The following RESF1 variants were observed in gnomAD, a reference collection of about 807,000 sequenced individuals.
The protein encoded by RESF1 is retroelement silencing factor 1.
In RESF1, 65 loss-of-function variants were observed where a neutral mutation model predicts 134.7. That is an observed-to-expected ratio of 0.48 (90% CI 0.40 to 0.59). RESF1 has a LOEUF of 0.59. Ranked by LOEUF, RESF1 falls within the 20% of genes least tolerant of loss-of-function variation. The pLI, the probability that RESF1 is intolerant of heterozygous loss-of-function variation, is 0.00. For synonymous variants in RESF1, 762 were observed against 702.2 expected, an observed-to-expected ratio of 1.09 and a Z score of -1.35; for missense variants, 2,274 against 2,002.7, an observed-to-expected ratio of 1.14 and a Z score of -2.59.
chr12:31,975,043 G>A (rs568292758), intron 3 of RESF1, among the ~76,000 whole-genome samples: 1 of 152,008 alleles, frequency 6.6e-6, no homozygotes, highest in Non-Finnish European at 1.5e-5. Flanking sequence ...GGGAGGCCAA[G>A]GCAGGCAGAT....
At chr12:31,960,636 A>G (rs982898618) in intron 1 of RESF1, 141 bp from the exon 2 acceptor site, 1 of 152,256 alleles carries the variant, frequency 6.6e-6, no homozygotes, top group African/African-American at 2.4e-5. Context: ...TCTGTTACTT[A>G]GGACACTTAA....
In RESF1 at chr12:31,959,429, C is replaced by G. The variant is rs2120729543; in HGVS notation, c.-404C>G. The G allele has an allele frequency of 6.6e-6, 1 of 152,618 alleles. No individual in the cohort carries two copies. Among genetic ancestry groups the G allele is most frequent in the East Asian group, 1.9e-4 (1 of 5,186 alleles). 9.5% of individuals were successfully genotyped at this position (152,618 alleles called of 1,614,324 possible). On this transcript the variant is annotated 5_prime_UTR_variant, in exon 1 of 6. Coordinates refer to ENST00000312561, the MANE Select transcript of RESF1 (RefSeq NM_018169.4). ...AGGCGGACCCCACTTGACTTAAACT[C>G]TGGGGCCCGGGAGGCCGCCGGTTTT...
At position 31,980,921 on chromosome 12, in the gene RESF1, GACTTGTAATAC is replaced by G. The variant is rs769755607; in HGVS notation, c.-31_-21del. On this transcript the variant is annotated 5_prime_UTR_variant, in exon 4 of 6. Coordinates refer to ENST00000312561, the MANE Select transcript of RESF1 (RefSeq NM_018169.4). ...ACTGACTTGTAACTGACTTATAACTGACTTGTAATACACTGCTACTATATCAAACCGACAAT... is the reference window on the plus strand; with the variant it reads ...ACTGACTTGTAACTGACTTATAACTGACTGCTACTATATCAAACCGACAAT... The G allele has an allele frequency of 6.8e-7, 1 of 1,465,260 alleles. No homozygotes were observed. The highest frequency in any genetic ancestry group is 1.3e-5 in the South Asian group (1 of 75,614). The allele number at this position is 1,465,260 out of a possible 1,614,324, so 90.8% of individuals were successfully genotyped here. A position where few individuals can be genotyped will look rare whatever the true frequency, so the allele number is the denominator to read the frequency against.
Position 31,984,010 on chromosome 12 carries a change from G to T in RESF1, c.3055G>T (p.Asp1019Tyr). ...GTGCTCGTCAGCTGCTATTCAGGAG[G>T]ATATTTACCCTCAGGAAATAGATGC... ...DTCSSAAIQE[D>Y]IYPQEIDASS... Residue 1019 changes from aspartate to tyrosine, a missense_variant, in exon 4 of 6, where the codon GAT (aspartate) becomes TAT (tyrosine). By Grantham distance (160) the Asp-to-Tyr change is radical. Transcript: ENST00000312561. The T allele has an allele frequency of 1.2e-6, 2 of 1,613,888 alleles. No homozygotes were observed.
intron 3 of RESF1, among the ~76,000 whole-genome samples, chr12:31,977,843 T>C (rs917822537): frequency 6.7e-6 from 1 of 148,318 alleles, no homozygotes; most frequent in African/African-American, 2.5e-5. Flanking sequence ...CTCATTCTGC[T>C]GCCCAGGCTG....
At chr12:31,988,318 G>C (rs1940018834) in intron 5 of RESF1, among the ~76,000 whole-genome samples, 1 of 152,062 alleles carries the variant, frequency 6.6e-6, no homozygotes. Flanking sequence ...TCAAGCAACT[G>C]TGGATCCAAA....
chr12:31,967,849 A>G (rs886406359), intron 2 of RESF1, among the ~76,000 whole-genome samples: 3 of 152,236 alleles, frequency 2.0e-5, no homozygotes, highest in Non-Finnish European at 4.4e-5. Context: ...TCACTTTTGC[A>G]TCATTGTAAA....
chr12:31,968,624 A>G (rs1306605112), intron 2 of RESF1, among the ~76,000 whole-genome samples: 2 of 151,290 alleles, frequency 1.3e-5, no homozygotes, highest in Non-Finnish European at 2.9e-5. Context: ...AATTTTTTGT[A>G]TTTTTAGTAG....
At chr12:31,962,224 A>T (rs1592247903) in intron 2 of RESF1, among the ~76,000 whole-genome samples, 1 of 145,138 alleles carries the variant, frequency 6.9e-6, no homozygotes. Context: ...TCTTTTTAAA[A>T]AAAAAAAAAA....
intron 3 of RESF1, among the ~76,000 whole-genome samples, chr12:31,976,272 C>T (rs1333596805): frequency 6.6e-6 from 1 of 152,078 alleles, no homozygotes; most frequent in African/African-American, 2.4e-5. Flanking sequence ...AAAAAAAATC[C>T]ACATTTAACT....
At chr12:31,980,108 CT>C (rs61587386) in intron 3 of RESF1, among the ~76,000 whole-genome samples, 22,771 of 114,060 alleles carry the variant, frequency 0.2, 1,092 homozygotes, top group Admixed American at 0.24. Flanking sequence ...TTTTCTTTTC[CT>C]TTTTTTTTTT....
chr12:31,985,903 G>A lies in RESF1; in HGVS notation c.4948G>A (p.Glu1650Lys). The A allele has an allele frequency of 6.6e-7, 1 of 1,515,976 alleles. No homozygotes were observed. Among genetic ancestry groups the A allele is most frequent in the Non-Finnish European group, 8.8e-7 (1 of 1,140,226 alleles). 93.9% of individuals were successfully genotyped at this position (1,515,976 alleles called of 1,614,324 possible). A position where few individuals can be genotyped will look rare whatever the true frequency, so the allele number is the denominator to read the frequency against. The change falls in exon 4 of 6, where the codon GAA (glutamate) becomes AAA (lysine). Residue 1650 changes from glutamate to lysine, a missense_variant. Transcript: ENST00000312561. ...DILLKNTNSV[E>K]ERKDVKPHPR... Reference sequence around the variant, plus strand: ...CTTACTAAAGAATACAAACTCTGTGGAAGAACGGAAGGATGTAAAGCCTCA... The same window carrying A: ...CTTACTAAAGAATACAAACTCTGTGAAAGAACGGAAGGATGTAAAGCCTCA...
At chr12:31,986,062 T>A in intron 4 of RESF1, 105 bp downstream of exon 4, 2 of 608,824 alleles carry the variant, frequency 3.3e-6, no homozygotes, top group Non-Finnish European at 2.5e-6. Flanking sequence ...GGAAAGACTT[T>A]AATGTGTTAT....
chr12:31,961,932 G>A (rs1011448740), intron 2 of RESF1, among the ~76,000 whole-genome samples: 3 of 152,274 alleles, frequency 2.0e-5, no homozygotes, highest in South Asian at 2.1e-4. Context: ...TGCTTAAAAC[G>A]TATTTGTAGG....
At position 31,982,826 on chromosome 12, in the gene RESF1, G is replaced by GT; in HGVS notation, c.1872dup (p.Asn625Ter). 1 of 1,614,100 alleles carries GT rather than the reference G, an allele frequency of 6.2e-7. No individual in the cohort carries two copies. The highest frequency in any genetic ancestry group is 8.5e-7 in the Non-Finnish European group (1 of 1,180,004). On this transcript the variant is annotated frameshift_variant, in exon 4 of 6. Coordinates refer to ENST00000312561, the MANE Select transcript of RESF1 (RefSeq NM_018169.4). LOFTEE classifies it high-confidence loss of function. ...ATGAATCCAAATACCCAAATGACTG[G>GT]TAACCAACTGAATTTGAAGAACATG...
In RESF1 at chr12:31,992,522, GTCCTGTAAAATAAT is replaced by G. The variant is rs1324601283; in HGVS notation, c.5233_*2del. 1.1e-5 allele frequency: 18 copies of G among 1,613,060 alleles called. No individual in the cohort carries two copies. Among genetic ancestry groups the G allele is most frequent in the Non-Finnish European group, 1.4e-5 (16 of 1,179,748 alleles). On this transcript the variant is annotated stop_lost and 3_prime_UTR_variant, in exon 6 of 6. Coordinates refer to ENST00000312561, the MANE Select transcript of RESF1 (RefSeq NM_018169.4). ...AAGAGAAGCAGAAGCCTTGGTAGCA[GTCCTGTAAAATAAT>G]TACAAGATGTGGTTTTGTAATTGCC...
chr12:31,987,537 A>G (rs1259934991), intron 5 of RESF1, among the ~76,000 whole-genome samples: 2 of 151,958 alleles, frequency 1.3e-5, no homozygotes, highest in Non-Finnish European at 2.9e-5. Context: ...TAATAGGAAA[A>G]TAAGTCTTAT....
rs1592260531 is a variant in RESF1 at position 31,981,810 on chromosome 12, A to G, written c.855A>G (p.Arg285=). The change falls in exon 4 of 6, where the codon AGA becomes AGG. Residue 285 remains arginine (R), a synonymous_variant. Transcript: ENST00000312561. ...CTCCTCCTCCTCCTTACAACTGTAG[A>G]TATGGAAGCCAGCCTTTGCAAAGTA... ...KRPPPPPYNC[R]YGSQPLQSTQ... is the part of the protein sequence containing the mutation. 1.9e-6 allele frequency: 3 copies of G among 1,614,072 alleles called. No individual in the cohort carries two copies. The highest frequency in any genetic ancestry group is 2.5e-6 in the Non-Finnish European group (3 of 1,180,040).
At chr12:31,978,875 GATTTT>G (rs994640446) in intron 3 of RESF1, among the ~76,000 whole-genome samples, 9 of 149,988 alleles carry the variant, frequency 6.0e-5, no homozygotes, top group African/African-American at 2.0e-4. Flanking sequence ...GGCAGTATTT[GATTTT>G]GTCAGAAATT....
Sources: allele counts gnomAD v4.1 joint callset (sites outside exome capture counted in the v4.1 genomes callset), GRCh38; gene constraint gnomAD v4.1.1; transcripts MANE v1.5; gene names NCBI Gene and HGNC (gene_info 2026-07-23, HGNC 2026-07-21).